Variants in PODXL observed in about 807,000 individuals in gnomAD.
The protein encoded by PODXL is podocalyxin like, also known as podocalyxin.
PODXL carries 20 observed loss-of-function variants against 48.9 expected under a neutral mutation model. That is an observed-to-expected ratio of 0.41 (90% CI 0.29 to 0.59). PODXL has a LOEUF of 0.59. Among genes scored for constraint, PODXL ranks in the 20% least tolerant of loss-of-function variants. The pLI is 0.31. For synonymous variants in PODXL, 295 were observed against 287.4 expected (o/e 1.03, Z -0.27); for missense variants, 606 against 675.1 (o/e 0.90, Z 1.13).
intron 1 of PODXL, among the ~76,000 whole-genome samples, chr7:131,519,508 C>T (rs1332276816): frequency 6.6e-6 from 1 of 151,368 alleles, no homozygotes; most frequent in East Asian, 1.9e-4. Flanking sequence ...AAATAGAAAC[C>T]AAAATACAAT....
At chr7:131,532,344 G>A (rs1798293939) in intron 1 of PODXL, among the ~76,000 whole-genome samples, 1 of 150,524 alleles carries the variant, frequency 6.6e-6, no homozygotes, top group African/African-American at 2.4e-5. Flanking sequence ...GCTGAGGCAG[G>A]AGAATGGTGT....
At chr7:131,545,310 G>A (rs1451714495) in intron 1 of PODXL, among the ~76,000 whole-genome samples, 2 of 152,234 alleles carry the variant, frequency 1.3e-5, no homozygotes, top group Non-Finnish European at 2.9e-5. Context: ...GACCTGCCAT[G>A]TTGTTTCCTA....
intron 8 of PODXL, 89 bp from the exon 9 acceptor site, chr7:131,504,597 G>T (rs1290928844): frequency 1.8e-6 from 2 of 1,086,740 alleles, no homozygotes; most frequent in African/African-American, 1.5e-5. Flanking sequence ...CCACTCAGGA[G>T]CCCCACTGTA....
intron 1 of PODXL, among the ~76,000 whole-genome samples, chr7:131,530,339 T>C (rs1457879476): frequency 6.6e-6 from 1 of 152,086 alleles, no homozygotes; most frequent in Non-Finnish European, 1.5e-5. Flanking sequence ...CACCAAGGTA[T>C]CAGGTGCCCT....
Position 131,506,602 on chromosome 7 carries a change from A to G in PODXL, c.1226T>C (p.Val409Ala). The G allele has an allele frequency of 2.5e-6, 4 of 1,614,038 alleles. No homozygotes were observed. The highest frequency in any genetic ancestry group is 3.4e-6 in the Non-Finnish European group (4 of 1,180,006). Residue 409 changes from valine (V) to alanine (A), a missense_variant, in exon 6 of 9, where the codon GTC becomes GCC. Val to Ala is a moderately conservative substitution (Grantham distance 64). Coordinates refer to ENST00000378555, the MANE Select transcript of PODXL (RefSeq NM_001018111.3). ...LASVPGSQTV[V>A]VKEITIHTKL... Reference sequence around the variant, plus strand: ...ACTGTGAATAGTGATTTCTTTGACGACCACGGTCTGACTTCCTGGAACAGA... The same window carrying G: ...ACTGTGAATAGTGATTTCTTTGACGGCCACGGTCTGACTTCCTGGAACAGA...
At chr7:131,549,644 C>T (rs1798637614) in intron 1 of PODXL, among the ~76,000 whole-genome samples, 1 of 152,192 alleles carries the variant, frequency 6.6e-6, no homozygotes, top group Non-Finnish European at 1.5e-5. Flanking sequence ...CAGGTCAGTC[C>T]ACACATCCCT....
rs551934302 is a variant in PODXL at position 131,501,477 on chromosome 7, A to G, written c.*2834T>C. ...GCTAGCTTTCCTTATCAAGCGGGAA[A>G]AAAATCTGGTGCCTAGACTAGATTA... On this transcript the variant is annotated 3_prime_UTR_variant, in exon 9 of 9. Coordinates refer to ENST00000378555, the MANE Select transcript of PODXL (RefSeq NM_001018111.3). 6.5e-6 allele frequency: 1 copy of G among 152,744 alleles called. No individual in the cohort carries two copies. Among genetic ancestry groups the G allele is most frequent in the African/African-American group, 2.4e-5 (1 of 41,566 alleles). 9.5% of individuals were successfully genotyped at this position (152,744 alleles called of 1,614,324 possible).
chr7:131,509,127 G>A (rs1049653765), intron 4 of PODXL, 99 bp from the exon 5 acceptor site: 7 of 1,119,824 alleles, frequency 6.3e-6, no homozygotes, highest in South Asian at 2.5e-5. Context: ...AAGAGTTCAC[G>A]GCAAGCTGGA....
intron 1 of PODXL, among the ~76,000 whole-genome samples, chr7:131,554,591 A>G (rs1394042729): frequency 1.3e-5 from 2 of 152,206 alleles, no homozygotes; most frequent in African/African-American, 4.8e-5. Flanking sequence ...CCTTGAAGCC[A>G]GCAGTGAGCT....
intron 1 of PODXL, among the ~76,000 whole-genome samples, chr7:131,540,961 CACTGAA>C (rs1798469976): frequency 6.6e-6 from 1 of 152,234 alleles, no homozygotes; most frequent in Non-Finnish European, 1.5e-5. Flanking sequence ...GTCTGGTGGA[CACTGAA>C]GGTTAAGGCA....
chr7:131,532,456 A>AAT, intron 1 of PODXL, among the ~76,000 whole-genome samples: 1 of 140,362 alleles, frequency 7.1e-6, no homozygotes, highest in Admixed American at 7.0e-5. Flanking sequence ...AAAAAATTAA[A>AAT]AATAAATAAT....
At chr7:131,517,948 A>G (rs945101408) in intron 1 of PODXL, among the ~76,000 whole-genome samples, 3 of 152,146 alleles carry the variant, frequency 2.0e-5, no homozygotes, top group Admixed American at 2.0e-4. Flanking sequence ...CATGTTGGCC[A>G]GGCTGGTCTC....
intron 1 of PODXL, 90 bp downstream of exon 1, chr7:131,556,170 C>G: frequency 1.5e-6 from 2 of 1,343,694 alleles, no homozygotes; most frequent in Non-Finnish European, 1.9e-6. Context: ...GGTCGGACCA[C>G]GCGGCGCGCC....
chr7:131,520,018 C>T, intron 1 of PODXL: 1 of 191,432 alleles, frequency 5.2e-6, no homozygotes, highest in South Asian at 9.2e-5. Flanking sequence ...AGACACTGTG[C>T]CCTGCCACAA....
At chr7:131,533,400 T>G (rs1223131195) in intron 1 of PODXL, among the ~76,000 whole-genome samples, 1 of 152,170 alleles carries the variant, frequency 6.6e-6, no homozygotes, top group Non-Finnish European at 1.5e-5. Context: ...CGGGCATTCT[T>G]CAAATCTGGA....
intron 5 of PODXL, 25 bp downstream of exon 5, chr7:131,508,926 C>T (rs371954896): frequency 4.0e-5 from 61 of 1,540,052 alleles, no homozygotes; most frequent in Non-Finnish European, 4.9e-5. Context: ...CTGCACCTGG[C>T]GGCTCAGATC....
chr7:131,512,928 G>C (rs563235809), intron 1 of PODXL, among the ~76,000 whole-genome samples: 2 of 151,012 alleles, frequency 1.3e-5, no homozygotes, highest in Non-Finnish European at 2.9e-5. Context: ...CCGGGAGGCA[G>C]AGGTTGCAGT....
intron 1 of PODXL, among the ~76,000 whole-genome samples, chr7:131,554,491 G>A (rs1252745332): frequency 6.6e-6 from 1 of 152,200 alleles, no homozygotes; most frequent in East Asian, 1.9e-4. Flanking sequence ...CTTCTGCCAT[G>A]TGCCAAACCC....
In PODXL at chr7:131,500,478, C is replaced by CAAAG. The variant is rs1252075173; in HGVS notation, c.*3829_*3832dup. On this transcript the variant is annotated 3_prime_UTR_variant, in exon 9 of 9. Transcript: ENST00000378555. Reference sequence around the variant, plus strand: ...TCACTGCAGACAAAAAGACCAACACCAAAGAGTCATCTGTGTCCTCCATGC... The same window carrying CAAAG: ...TCACTGCAGACAAAAAGACCAACACCAAAGAAAGAGTCATCTGTGTCCTCCATGC... 3.3e-5 allele frequency: 5 copies of CAAAG among 152,594 alleles called. No homozygotes were observed. The highest frequency in any genetic ancestry group is 5.9e-5 in the Non-Finnish European group (4 of 68,050). The allele number at this position is 152,594 out of a possible 1,614,324, so 9.5% of individuals were successfully genotyped here.
Sources: allele counts gnomAD v4.1 joint callset (sites outside exome capture counted in the v4.1 genomes callset), GRCh38; gene constraint gnomAD v4.1.1; transcripts MANE v1.5; gene names NCBI Gene and HGNC (gene_info 2026-07-23, HGNC 2026-07-21).